The following TACC2 variants were observed in gnomAD, a reference collection of about 807,000 sequenced individuals.
TACC2 encodes the protein transforming acidic coiled-coil containing protein 2.
A neutral mutation model predicts 227.3 loss-of-function variants in TACC2; 137 were observed. That is an observed-to-expected ratio of 0.60 (90% CI 0.52 to 0.69). The LOEUF (loss-of-function observed/expected upper bound fraction) is 0.69. Ranked by LOEUF, TACC2 falls within the 30% of genes least tolerant of loss-of-function variation. The probability of loss-of-function intolerance (pLI) is 0.00; values close to 1 mark genes in which losing one functional copy is unlikely to be tolerated. For missense variants in TACC2, 3,470 were observed against 3,694.4 expected, an observed-to-expected ratio of 0.94 and a Z score of 1.57; for synonymous variants, 1,523 against 1,487.5, an observed-to-expected ratio of 1.02 and a Z score of -0.55.
chr10:122,245,358 A>G (rs2096088164), intron 19 of TACC2, among the ~76,000 whole-genome samples: 1 of 152,120 alleles, frequency 6.6e-6, no homozygotes. Context: ...GGGTAATTCT[A>G]TTTTTAAAAA....
Position 122,205,770 on chromosome 10 carries a change from A to C in TACC2, c.5972-4627A>C, listed in dbSNP as rs2095083568. On this transcript the variant is annotated intron_variant, in intron 8 of 22. Coordinates refer to ENST00000369005, the MANE Select transcript of TACC2 (RefSeq NM_206862.4). This position sits in a 1 kb window ranked among gnomAD's most constrained non-coding sequence, Gnocchi z 4.5. Reference sequence around the variant, plus strand: ...TTAATGAGTGTCTCAGGTGTGTCTTAGGCTAGACAAATTTGGGAAATGTTG... The same window carrying C: ...TTAATGAGTGTCTCAGGTGTGTCTTCGGCTAGACAAATTTGGGAAATGTTG... Among the ~76,000 whole-genome samples, 2 of 152,190 alleles carry C rather than the reference A, an allele frequency of 1.3e-5. No individual in the cohort carries two copies. Among genetic ancestry groups the C allele is most frequent in the African/African-American group, 2.4e-5 (1 of 41,450 alleles).
chr10:121,994,873 A>C (rs1182566547), intron 1 of TACC2, among the ~76,000 whole-genome samples: 1 of 152,218 alleles, frequency 6.6e-6, no homozygotes, highest in Non-Finnish European at 1.5e-5. Flanking sequence ...TTTTTAAGCC[A>C]AATGAACTGT....
At chr10:122,068,434 G>T (rs910118280) in intron 3 of TACC2, among the ~76,000 whole-genome samples, 1 of 151,986 alleles carries the variant, frequency 6.6e-6, no homozygotes, top group Non-Finnish European at 1.5e-5. Context: ...AAATGCTATT[G>T]AACTTTGCTC....
chr10:122,188,514 C>T (rs979483475), intron 7 of TACC2, among the ~76,000 whole-genome samples: 7 of 152,096 alleles, frequency 4.6e-5, no homozygotes, highest in Non-Finnish European at 7.4e-5. Context: ...GTCTTGAACT[C>T]CTGACCTCAG....
intron 18 of TACC2, 131 bp downstream of exon 18, chr10:122,238,168 C>T (rs2095898288): frequency 1.6e-6 from 1 of 642,780 alleles, no homozygotes; most frequent in Admixed American, 3.2e-5. Flanking sequence ...ACACACAGTT[C>T]ATATTTTTCT....
chr10:122,105,514 G>T (rs369901932), intron 5 of TACC2, among the ~76,000 whole-genome samples: 41 of 152,074 alleles, frequency 2.7e-4, no homozygotes, highest in African/African-American at 9.2e-4. Context: ...GGTTCTTCCT[G>T]CTCTGAACTC....
intron 5 of TACC2, among the ~76,000 whole-genome samples, chr10:122,131,405 C>T (rs1416674184): frequency 6.6e-6 from 1 of 152,164 alleles, no homozygotes; most frequent in Non-Finnish European, 1.5e-5. Context: ...TAACTGACTA[C>T]AAGACGATGG....
At chr10:122,067,826 T>G (rs1268426382) in intron 3 of TACC2, among the ~76,000 whole-genome samples, 1 of 152,176 alleles carries the variant, frequency 6.6e-6, no homozygotes, top group African/African-American at 2.4e-5. Flanking sequence ...CTGTTTCTTA[T>G]GCTTGGCATT....
intron 7 of TACC2, among the ~76,000 whole-genome samples, chr10:122,151,470 T>A (rs907168039): frequency 6.6e-6 from 1 of 151,968 alleles, no homozygotes; most frequent in Non-Finnish European, 1.5e-5. Flanking sequence ...CTGGAGGGAC[T>A]AGAGGGAGGT....
chr10:122,015,460 G>A (rs1043762349), intron 1 of TACC2, among the ~76,000 whole-genome samples: 4 of 151,820 alleles, frequency 2.6e-5, no homozygotes, highest in African/African-American at 7.3e-5. Context: ...AGCCCAGATC[G>A]TGCCACTGCA....
intron 18 of TACC2, among the ~76,000 whole-genome samples, chr10:122,238,509 G>A (rs1447093748): frequency 6.6e-6 from 1 of 152,046 alleles, no homozygotes; most frequent in Admixed American, 6.5e-5. Flanking sequence ...GTGCAGTGGC[G>A]CCACCTCGGC....
chr10:122,073,146 TATATATACAC>T (rs1356446100), intron 3 of TACC2, among the ~76,000 whole-genome samples: 2 of 100,210 alleles, frequency 2.0e-5, no homozygotes, highest in Non-Finnish European at 3.9e-5. Flanking sequence ...TATATATATA[TATATATACAC>T]ACACACACAC....
chr10:122,083,427 C>T lies in TACC2; in HGVS notation c.927C>T (p.Ala309=). The T allele has an allele frequency of 6.2e-7, 1 of 1,613,634 alleles. No homozygotes were observed. Among genetic ancestry groups the T allele is most frequent in the Non-Finnish European group, 8.5e-7 (1 of 1,180,032 alleles). The change falls in exon 4 of 23, where the codon GCC becomes GCT. Residue 309 remains alanine (A), a synonymous_variant. Transcript: ENST00000369005. ...CAGATGACTTGGAATTCCTCAGGGC[C>T]TGCCATCTCCCTAGGAGCAATTCAG... ...YLTDDLEFLR[A]CHLPRSNSGA... is the part of the protein sequence containing the mutation.
At chr10:122,022,237 CTTA>C in intron 2 of TACC2, 1 of 495,596 alleles carries the variant, frequency 2.0e-6, no homozygotes, top group Non-Finnish European at 3.6e-6. Flanking sequence ...GCTAATTCTA[CTTA>C]TTATTTATTA....
chr10:122,034,458 G>C (rs997478247), intron 2 of TACC2, among the ~76,000 whole-genome samples: 1 of 152,184 alleles, frequency 6.6e-6, no homozygotes, highest in Admixed American at 6.5e-5. Context: ...GGTCACTAAG[G>C]TTGCTGGCCA....
Position 122,229,359 on chromosome 10 carries a change from G to A in TACC2, c.7910G>A (p.Gly2637Asp), listed in dbSNP as rs1182505507. ...SEAIEITAPEGSFASADALLS... is the reference protein window; with the variant it reads ...SEAIEITAPEDSFASADALLS... Reference sequence around the variant, plus strand: ...GCCGGCTTTCAGACAGCTCCCGAGGGCTCCTTTGCCTCTGCTGACGCCCTC... The same window carrying A: ...GCCGGCTTTCAGACAGCTCCCGAGGACTCCTTTGCCTCTGCTGACGCCCTC... The change falls in exon 15 of 23, where the codon GGC becomes GAC. Residue 2637 changes from glycine to aspartate, a missense_variant. Transcript: ENST00000369005. 6.2e-6 allele frequency: 10 copies of A among 1,613,752 alleles called. No individual in the cohort carries two copies. In the East Asian group the frequency reaches 2.0e-4, roughly 32 times the overall value.
At position 122,195,278 on chromosome 10, in the gene TACC2, A is replaced by G. The variant is rs374974227; in HGVS notation, c.5971+102A>G. The stretch of plus-strand genomic sequence containing the variant: ...TGGGTCAGGCTGGAGGCGAGCACTG[A>G]CTCGACCTCTTGGCTTTGAGTTGTG... On this transcript the variant is annotated intron_variant, in intron 8 of 22. Transcript: ENST00000369005. 26 of 1,045,876 alleles carry G rather than the reference A, an allele frequency of 2.5e-5. No individual in the cohort carries two copies. In the African/African-American group the frequency reaches 3.8e-4, roughly 15 times the overall value. The allele number at this position is 1,045,876 out of a possible 1,614,324, so 64.8% of individuals were successfully genotyped here.
At chr10:122,025,926 G>C (rs569321655) in intron 2 of TACC2, among the ~76,000 whole-genome samples, 40 of 151,832 alleles carry the variant, frequency 2.6e-4, no homozygotes, top group African/African-American at 8.4e-4. Flanking sequence ...ATATAGTCTA[G>C]ATACTAATCC....
At chr10:122,010,790 A>G (rs1321903302) in intron 1 of TACC2, among the ~76,000 whole-genome samples, 2 of 152,246 alleles carry the variant, frequency 1.3e-5, no homozygotes, top group Non-Finnish European at 2.9e-5. Flanking sequence ...GGGAAATCTT[A>G]TCAGTTAGCT....
Sources: gnomAD v4.1 joint callset for allele counts (sites outside exome capture counted in the v4.1 genomes callset) on GRCh38, gnomAD v4.1.1 for gene constraint, Gnocchi (gnomAD v3.1) non-coding constraint, MANE v1.5 for transcripts, NCBI Gene and HGNC (gene_info 2026-07-23, HGNC 2026-07-21) for gene names.